The following RNF180 variants were observed in gnomAD, a reference collection of about 807,000 sequenced individuals.
RNF180 encodes the protein E3 ubiquitin-protein ligase RNF180.
Under a neutral mutation model 59.2 loss-of-function variants are expected in RNF180, and 38 were observed. That is an observed-to-expected ratio of 0.64 (90% CI 0.50 to 0.84). The LOEUF is 0.84. RNF180 is among the 40% of genes least tolerant of loss of function. RNF180 has a pLI of 0.00. For missense variants in RNF180, 705 were observed against 700.9 expected, an observed-to-expected ratio of 1.01 and a Z score of -0.07; for synonymous variants, 262 against 240.3, an observed-to-expected ratio of 1.09 and a Z score of -0.84.
intron 5 of RNF180, among the ~76,000 whole-genome samples, chr5:64,221,062 C>A (rs944384433): frequency 1.3e-5 from 2 of 151,956 alleles, no homozygotes; most frequent in Non-Finnish European, 2.9e-5. Context: ...ATATAGAGAT[C>A]ATTTTGAAAT....
intron 1 of RNF180, among the ~76,000 whole-genome samples, chr5:64,167,520 TAG>T (rs1182524570): frequency 6.6e-6 from 1 of 152,196 alleles, no homozygotes; most frequent in Non-Finnish European, 1.5e-5. Flanking sequence ...CTTGATAAAA[TAG>T]ACTTAATTAG....
chr5:64,166,982 G>C (rs1749676173), intron 1 of RNF180, among the ~76,000 whole-genome samples: 1 of 152,088 alleles, frequency 6.6e-6, no homozygotes, highest in Admixed American at 6.5e-5. Context: ...TCCTGTTATA[G>C]TACCCCTAAA....
intron 3 of RNF180, 118 bp downstream of exon 3, chr5:64,212,278 C>A: frequency 1.6e-6 from 1 of 638,526 alleles, no homozygotes; most frequent in South Asian, 1.9e-5. Flanking sequence ...CTGCTCCTCA[C>A]TCCCATTACC....
At chr5:64,170,998 G>T (rs1749906795) in intron 1 of RNF180, among the ~76,000 whole-genome samples, 2 of 152,026 alleles carry the variant, frequency 1.3e-5, no homozygotes, top group African/African-American at 4.8e-5. Context: ...TACAGTATTG[G>T]GTCATTTCAA....
intron 1 of RNF180, among the ~76,000 whole-genome samples, chr5:64,168,768 A>T (rs1749782385): frequency 6.6e-6 from 1 of 152,228 alleles, no homozygotes; most frequent in Admixed American, 6.5e-5. Flanking sequence ...CCAAAAAAAA[A>T]GTTATTAACA....
chr5:64,218,691 T>C (rs1394708896), intron 5 of RNF180, among the ~76,000 whole-genome samples: 1 of 152,194 alleles, frequency 6.6e-6, no homozygotes, highest in East Asian at 1.9e-4. Flanking sequence ...TTGACTCTCG[T>C]AATACGTGAA....
At chr5:64,204,204 T>C (rs761827727) in intron 2 of RNF180, among the ~76,000 whole-genome samples, 8 of 152,202 alleles carry the variant, frequency 5.3e-5, no homozygotes, top group Non-Finnish European at 1.2e-4. Context: ...CTTGTTGAAA[T>C]TCTTGTTGAA....
chr5:64,337,484 A>G (rs1388415761), intron 7 of RNF180, among the ~76,000 whole-genome samples: 1 of 152,048 alleles, frequency 6.6e-6, no homozygotes, highest in African/African-American at 2.4e-5. Context: ...ATTGTTGTCT[A>G]GAAATATATT....
At chr5:64,240,285 A>G (rs1358680491) in intron 5 of RNF180, among the ~76,000 whole-genome samples, 1 of 152,240 alleles carries the variant, frequency 6.6e-6, no homozygotes, top group Non-Finnish European at 1.5e-5. Context: ...GATCAGTATA[A>G]TAAAGGCTGC....
intron 5 of RNF180, among the ~76,000 whole-genome samples, chr5:64,273,639 CAG>C (rs761287122): frequency 6.6e-6 from 1 of 151,822 alleles, no homozygotes; most frequent in African/African-American, 2.4e-5. Context: ...GCTCTAGTAA[CAG>C]CAGAAAGTGG....
chr5:64,260,486 G>T (rs1744271318), intron 5 of RNF180, among the ~76,000 whole-genome samples: 1 of 151,850 alleles, frequency 6.6e-6, no homozygotes, highest in Admixed American at 6.6e-5. Context: ...TTTCATGACA[G>T]ATGCTATCTG....
At chr5:64,330,964 C>A (rs972612909) in intron 7 of RNF180, among the ~76,000 whole-genome samples, 6 of 152,254 alleles carry the variant, frequency 3.9e-5, no homozygotes, top group Non-Finnish European at 8.8e-5. Context: ...CCTGCAGGCT[C>A]AGAAATGCCT....
intron 7 of RNF180, among the ~76,000 whole-genome samples, chr5:64,339,596 T>A (rs2112560487): frequency 6.6e-6 from 1 of 152,248 alleles, no homozygotes; most frequent in Non-Finnish European, 1.5e-5. Flanking sequence ...TCAGCTTGGT[T>A]TTCATGGTTG....
chr5:64,254,623 T>G (rs1458777038), intron 5 of RNF180, among the ~76,000 whole-genome samples: 1 of 152,170 alleles, frequency 6.6e-6, no homozygotes, highest in African/African-American at 2.4e-5. Flanking sequence ...AATAAAAATA[T>G]AGATAGGGAC....
At chr5:64,352,975 G>A (rs1745877014) in intron 7 of RNF180, among the ~76,000 whole-genome samples, 2 of 151,834 alleles carry the variant, frequency 1.3e-5, no homozygotes, top group African/African-American at 4.8e-5. Context: ...CTAAATGACT[G>A]TTAGTTATGA....
intron 5 of RNF180, among the ~76,000 whole-genome samples, chr5:64,318,786 A>G (rs576026498): frequency 6.6e-6 from 1 of 152,304 alleles, no homozygotes; most frequent in Non-Finnish European, 1.5e-5. Flanking sequence ...AGGCAGTAAA[A>G]AACAATTGGA....
chr5:64,241,242 G>A lies in RNF180; in HGVS notation c.1227+23846G>A, dbSNP rs149573366. 3.4e-3 allele frequency among the ~76,000 whole-genome samples: 522 copies of A among 152,270 alleles called. 2 individuals carry two copies. Among genetic ancestry groups the A allele is most frequent in the African/African-American group, 0.011 (474 of 41,554 alleles). ...AGAAGACCCCTTCCCAAAAAACAAA[G>A]ACACAAATTCTAAATATTTTACTCA... On this transcript the variant is annotated intron_variant, in intron 5 of 7. Coordinates refer to ENST00000389100, the MANE Select transcript of RNF180 (RefSeq NM_001113561.2).
chr5:64,291,114 T>C (rs1156486931), intron 5 of RNF180, among the ~76,000 whole-genome samples: 1 of 152,192 alleles, frequency 6.6e-6, no homozygotes, highest in Non-Finnish European at 1.5e-5. Context: ...AGATATGGAA[T>C]TCTAGGTTGG....
intron 1 of RNF180, among the ~76,000 whole-genome samples, chr5:64,178,218 A>G (rs570913866): frequency 5.2e-4 from 79 of 151,848 alleles, no homozygotes; most frequent in African/African-American, 1.8e-3. Context: ...AAAAAAAAAA[A>G]AAAAGAAAAG....
Sources: allele counts gnomAD v4.1 joint callset (sites outside exome capture counted in the v4.1 genomes callset), GRCh38; gene constraint gnomAD v4.1.1; transcripts MANE v1.5; gene names NCBI Gene and HGNC (gene_info 2026-07-23, HGNC 2026-07-21).